PRKN: variants seen among roughly 807,000 people sequenced by gnomAD.
PRKN encodes E3 ubiquitin-protein ligase parkin.
In PRKN, 56 loss-of-function variants were observed where a neutral mutation model predicts 59.5. The observed-to-expected ratio is 0.94, with a 90% CI of 0.76 to 1.18. The LOEUF is 1.18. PRKN is among the 50% of genes most tolerant of loss of function. PRKN has a pLI of 0.00. For missense variants in PRKN, 657 were observed against 596.4 expected (o/e 1.10, Z -1.06); for synonymous variants, 250 against 222.1 (o/e 1.13, Z -1.12).
chr6:161,785,842 G>A lies in PRKN; in HGVS notation c.801C>T (p.Tyr267=), dbSNP rs199790441. 3 of 1,614,090 alleles carry A rather than the reference G, an allele frequency of 1.9e-6. No homozygotes were observed. The highest frequency in any genetic ancestry group is 2.5e-6 in the Non-Finnish European group (3 of 1,179,936). The part of the protein sequence containing the change: ...HVICLDCFHL[Y]CVTRLNDRQF... Reference sequence around the variant, plus strand: ...GCCGATCATTGAGTCTTGTCACACAGTATAAGTGGAAACAGTCTAAGCAAA... The same window carrying A: ...GCCGATCATTGAGTCTTGTCACACAATATAAGTGGAAACAGTCTAAGCAAA... Residue 267 remains tyrosine (Y), a synonymous_variant, in exon 7 of 12, where the codon TAC becomes TAT. Transcript: ENST00000366898.
At position 161,573,796 on chromosome 6, in the gene PRKN, A is replaced by AT. The variant is rs1562535152; in HGVS notation, c.872-4381_872-4380insA. On this transcript the variant is annotated intron_variant, in intron 7 of 11. Coordinates refer to ENST00000366898, the MANE Select transcript of PRKN (RefSeq NM_004562.3). ...TATATATATATATATATATATATAT[A>AT]AAACTTCATTCAACCTTGGGTGTTT... Among the ~76,000 whole-genome samples, 217 of 105,778 alleles carry AT rather than the reference A, an allele frequency of 2.1e-3. 3 individuals are homozygous for AT. The highest frequency in any genetic ancestry group is 5.2e-3 in the Admixed American group (53 of 10,206). 69.4% of individuals were successfully genotyped at this position (105,778 alleles called of 152,430 possible). A position where few individuals can be genotyped will look rare whatever the true frequency, so the allele number is the denominator to read the frequency against.
intron 3 of PRKN, among the ~76,000 whole-genome samples, chr6:162,243,012 A>G (rs76678030): frequency 0.27 from 41,416 of 151,084 alleles, 6,424 homozygotes; most frequent in East Asian, 0.66. Flanking sequence ...GGTTCCTTAA[A>G]AAAAAAAAAA....
chr6:162,486,252 G>C (rs1429773656), intron 1 of PRKN, among the ~76,000 whole-genome samples: 1 of 152,038 alleles, frequency 6.6e-6, no homozygotes, highest in East Asian at 1.9e-4. Context: ...ATGTATGATT[G>C]ATATATATGA....
chr6:162,331,096 A>G (rs1474273732), intron 2 of PRKN, among the ~76,000 whole-genome samples: 1 of 152,116 alleles, frequency 6.6e-6, no homozygotes, highest in African/African-American at 2.4e-5. Flanking sequence ...TGGGAGGCCA[A>G]GGCAGGCCGA....
intron 2 of PRKN, among the ~76,000 whole-genome samples, chr6:162,322,989 C>G (rs977237094): frequency 6.8e-6 from 1 of 146,072 alleles, no homozygotes; most frequent in Non-Finnish European, 1.5e-5. Context: ...CCAAACACCG[C>G]ATATTCTCAC....
chr6:162,485,342 T>C (rs145577301), intron 1 of PRKN, among the ~76,000 whole-genome samples: 1 of 152,264 alleles, frequency 6.6e-6, no homozygotes, highest in Non-Finnish European at 1.5e-5. Flanking sequence ...TTTTAAAACA[T>C]GTGGGCACAG....
intron 4 of PRKN, among the ~76,000 whole-genome samples, chr6:162,180,472 G>A (rs1182699690): frequency 2.0e-5 from 3 of 151,558 alleles, no homozygotes; most frequent in East Asian, 1.9e-4. Flanking sequence ...ATCAGGTCTC[G>A]AATATACTAT....
chr6:161,569,989 A>T (rs1454863570), intron 7 of PRKN, among the ~76,000 whole-genome samples: 1 of 151,782 alleles, frequency 6.6e-6, no homozygotes. Context: ...TGGAAAGGGC[A>T]TCTTACGGAA....
chr6:161,658,161 C>T (rs1207380369), intron 7 of PRKN, among the ~76,000 whole-genome samples: 1 of 151,870 alleles, frequency 6.6e-6, no homozygotes, highest in East Asian at 1.9e-4. Flanking sequence ...GCTCCACCAA[C>T]AAAAAGCAAC....
Position 161,537,459 on chromosome 6 carries a change from C to CT in PRKN, c.1083+11394dup, listed in dbSNP as rs1294799822. On this transcript the variant is annotated intron_variant, in intron 9 of 11. Coordinates refer to ENST00000366898, the MANE Select transcript of PRKN (RefSeq NM_004562.3). The stretch of plus-strand genomic sequence containing the variant: ...TTCTTTTTTTTTTCTTTTCTTTTTT[C>CT]TTTTTTTTTTGAGATGGATTCTTGC... Among the ~76,000 whole-genome samples the CT allele has an allele frequency of 4.6e-3, 655 of 142,968 alleles. 2 individuals are homozygous for CT. The highest frequency in any genetic ancestry group is 0.015 in the African/African-American group (586 of 38,890). The allele number at this position is 142,968 out of a possible 152,430, so 93.8% of individuals were successfully genotyped here. A position where few individuals can be genotyped will look rare whatever the true frequency, so the allele number is the denominator to read the frequency against.
chr6:162,149,467 T>C (rs1432786852), intron 4 of PRKN, among the ~76,000 whole-genome samples: 1 of 152,056 alleles, frequency 6.6e-6, no homozygotes, highest in Non-Finnish European at 1.5e-5. Flanking sequence ...TGGTCTCAAA[T>C]TCCTGACCTC....
chr6:162,004,614 T>C (rs1249897665), intron 5 of PRKN, among the ~76,000 whole-genome samples: 2 of 152,276 alleles, frequency 1.3e-5, no homozygotes, highest in African/African-American at 4.8e-5. Flanking sequence ...ATAAACATAA[T>C]GATAGCACTG....
rs189803357 is a variant in PRKN, at chr6:161,561,126, C to T, written c.933+8229G>A. Among the ~76,000 whole-genome samples the T allele has an allele frequency of 4.6e-5, 7 of 151,026 alleles. No individual in the cohort carries two copies. In the East Asian group the frequency reaches 1.4e-3, roughly 29 times the overall value. The stretch of plus-strand genomic sequence containing the variant: ...CTCTTCTTTCTTCCCCTCAACCCGC[C>T]GAAAAAAGGGGTGAAATAAAAAAGA... On this transcript the variant is annotated intron_variant, in intron 8 of 11. Coordinates refer to ENST00000366898, the MANE Select transcript of PRKN (RefSeq NM_004562.3). The surrounding 1 kb of genome is among the most constrained non-coding windows in gnomAD (Gnocchi z 5.0).
At chr6:162,229,552 C>T (rs1416570203) in intron 3 of PRKN, among the ~76,000 whole-genome samples, 1 of 152,196 alleles carries the variant, frequency 6.6e-6, no homozygotes, top group Non-Finnish European at 1.5e-5. Context: ...TCAGCACCTG[C>T]TGATGGCTAC....
chr6:161,491,263 T>C (rs1583146264), intron 9 of PRKN, among the ~76,000 whole-genome samples: 1 of 152,094 alleles, frequency 6.6e-6, no homozygotes, highest in African/African-American at 2.4e-5. Flanking sequence ...ATGGGCAGGG[T>C]GATGCCTGAA....
At chr6:161,587,316 T>C (rs1781555267) in intron 7 of PRKN, among the ~76,000 whole-genome samples, 1 of 152,164 alleles carries the variant, frequency 6.6e-6, no homozygotes, top group Non-Finnish European at 1.5e-5. Context: ...TTAAAAGCTA[T>C]AAAGAAGACG....
chr6:161,704,299 C>T lies in PRKN; in HGVS notation c.871+81473G>A, dbSNP rs572378341. On this transcript the variant is annotated intron_variant, in intron 7 of 11. Transcript: ENST00000366898. ...CTCTCCAGCTGTTGGACTATTTTCC[C>T]CCCATGAATCAGACTAAAATACCCC... Among the ~76,000 whole-genome samples the T allele has an allele frequency of 1.6e-4, 25 of 152,232 alleles. No individual in the cohort carries two copies. In the South Asian group the frequency reaches 3.9e-3, roughly 24 times the overall value.
chr6:161,433,250 G>T (rs1015444530), intron 9 of PRKN, among the ~76,000 whole-genome samples: 2 of 152,148 alleles, frequency 1.3e-5, no homozygotes, highest in Non-Finnish European at 2.9e-5. Context: ...CATATTGAGG[G>T]CTGTCTGATT....
intron 1 of PRKN, among the ~76,000 whole-genome samples, chr6:162,709,375 CTTTTTT>C (rs34492695): frequency 6.8e-6 from 1 of 147,762 alleles, no homozygotes; most frequent in Non-Finnish European, 1.5e-5. Flanking sequence ...GGTCTGAACA[CTTTTTT>C]TTTTTTTTTT....
Sources: gnomAD v4.1 joint callset for allele counts (sites outside exome capture counted in the v4.1 genomes callset) on GRCh38, gnomAD v4.1.1 for gene constraint, Gnocchi (gnomAD v3.1) non-coding constraint, MANE v1.5 for transcripts, NCBI Gene and HGNC (gene_info 2026-07-23, HGNC 2026-07-21) for gene names.